Variants in TRIO observed in about 807,000 individuals in gnomAD.
TRIO encodes the protein triple functional domain protein.
A neutral mutation model predicts 351.9 loss-of-function variants in TRIO; 58 were observed. The ratio of observed to expected loss-of-function variants is 0.16; its 90% CI spans 0.13 to 0.21. The LOEUF (loss-of-function observed/expected upper bound fraction) is 0.21. Among genes scored for constraint, TRIO ranks in the 10% least tolerant of loss-of-function variants. The pLI is 1.00. For missense variants in TRIO, 3,201 were observed against 4,027.8 expected (o/e 0.79, Z 5.56); for synonymous variants, 1,758 against 1,595.7 (o/e 1.10, Z -2.42).
At chr5:14,302,464 G>A (rs1581570970) in intron 7 of TRIO, among the ~76,000 whole-genome samples, 1 of 152,182 alleles carries the variant, frequency 6.6e-6, no homozygotes, top group Non-Finnish European at 1.5e-5. Flanking sequence ...ACAGGAAGAT[G>A]ATAGAGTGAA....
chr5:14,422,832 T>C (rs1197705814), intron 34 of TRIO, among the ~76,000 whole-genome samples: 1 of 152,198 alleles, frequency 6.6e-6, no homozygotes, highest in Non-Finnish European at 1.5e-5. Context: ...CATTGAGAAA[T>C]GCTATCTTGT....
intron 1 of TRIO, among the ~76,000 whole-genome samples, chr5:14,226,031 A>G (rs966439625): frequency 1.3e-5 from 2 of 152,176 alleles, no homozygotes; most frequent in Non-Finnish European, 2.9e-5. Flanking sequence ...CTTCCTGTGC[A>G]TTTGACTGAG....
chr5:14,409,172 C>T (rs552088707), intron 33 of TRIO, among the ~76,000 whole-genome samples: 2 of 152,116 alleles, frequency 1.3e-5, no homozygotes, highest in African/African-American at 2.4e-5. Flanking sequence ...AGCCCTGGCC[C>T]CTAAGGCGCG....
intron 34 of TRIO, among the ~76,000 whole-genome samples, chr5:14,451,004 C>T (rs1252899608): frequency 2.6e-5 from 4 of 152,194 alleles, no homozygotes; most frequent in African/African-American, 9.6e-5. Context: ...CAAGAAACCT[C>T]TCCAGATACT....
At chr5:14,470,373 T>C (rs1754595664) in intron 37 of TRIO, among the ~76,000 whole-genome samples, 2 of 152,248 alleles carry the variant, frequency 1.3e-5, no homozygotes, top group African/African-American at 4.8e-5. Flanking sequence ...ATTGTGCTGT[T>C]CAAACCTAGA....
At chr5:14,507,074 C>G (rs1757740691) in intron 55 of TRIO, 48 bp from the exon 56 acceptor site, 1 of 1,531,402 alleles carries the variant, frequency 6.5e-7, no homozygotes, top group Non-Finnish European at 8.7e-7. Context: ...CCAAAGAGGT[C>G]TTCAAAGCAA....
chr5:14,253,691 C>T lies in TRIO; in HGVS notation c.158-17134C>T, dbSNP rs189933577. ...GTGTTTGAAGACTATGCCCTTAAAG[C>T]GGCAATTCTCAAAGTGTGGTCCCAG... is the stretch of plus-strand genomic sequence containing the variant. On this transcript the variant is annotated intron_variant, in intron 1 of 56. Coordinates refer to ENST00000344204, the MANE Select transcript of TRIO (RefSeq NM_007118.4). 8.5e-5 allele frequency among the ~76,000 whole-genome samples: 13 copies of T among 152,294 alleles called. No homozygotes were observed. In the East Asian group the frequency reaches 2.1e-3, roughly 25 times the overall value.
At chr5:14,507,525 C>T (rs954927097) in intron 56 of TRIO, among the ~76,000 whole-genome samples, 5 of 152,166 alleles carry the variant, frequency 3.3e-5, no homozygotes, top group South Asian at 2.1e-4. Flanking sequence ...GAGTTTTGCC[C>T]GGTGGGTGTG....
intron 34 of TRIO, among the ~76,000 whole-genome samples, chr5:14,454,628 C>T (rs966446821): frequency 2.6e-5 from 4 of 152,204 alleles, no homozygotes; most frequent in African/African-American, 7.2e-5. Flanking sequence ...ACTCATTAAG[C>T]TCCAGGTGTA....
intron 2 of TRIO, among the ~76,000 whole-genome samples, chr5:14,274,948 C>T (rs1735366851): frequency 6.6e-6 from 1 of 152,144 alleles, no homozygotes; most frequent in African/African-American, 2.4e-5. Context: ...CTCTAAAGAG[C>T]CCTGGTTCCT....
At chr5:14,374,834 G>A (rs1186502066) in intron 19 of TRIO, among the ~76,000 whole-genome samples, 1 of 151,908 alleles carries the variant, frequency 6.6e-6, no homozygotes, top group East Asian at 1.9e-4. Context: ...GTAAAAACCT[G>A]TAAAACCGTG....
chr5:14,389,512 A>C (rs574574676), intron 25 of TRIO, 114 bp downstream of exon 25: 47 of 718,386 alleles, frequency 6.5e-5, no homozygotes, highest in Non-Finnish European at 9.9e-5. Context: ...TTTTGTTTCC[A>C]TTTGAATGAA....
intron 1 of TRIO, among the ~76,000 whole-genome samples, chr5:14,194,306 G>T (rs1790630894): frequency 6.6e-6 from 1 of 152,056 alleles, no homozygotes; most frequent in Non-Finnish European, 1.5e-5. Context: ...TTGTATTTCT[G>T]CTCTCTTTTT....
At chr5:14,237,462 T>C (rs1028149893) in intron 1 of TRIO, among the ~76,000 whole-genome samples, 2 of 152,186 alleles carry the variant, frequency 1.3e-5, no homozygotes, top group Admixed American at 1.3e-4. Flanking sequence ...ATGGCTTGCA[T>C]GTTGCCTTGA....
intron 4 of TRIO, among the ~76,000 whole-genome samples, chr5:14,289,451 C>CT (rs1347829688): frequency 1.3e-5 from 2 of 152,040 alleles, no homozygotes; most frequent in African/African-American, 4.8e-5. Context: ...ACTCAAGAGG[C>CT]TTAAGATGGG....
At chr5:14,194,411 T>C (rs1342263850) in intron 1 of TRIO, among the ~76,000 whole-genome samples, 1 of 152,260 alleles carries the variant, frequency 6.6e-6, no homozygotes, top group African/African-American at 2.4e-5. Context: ...AATTGTTTTC[T>C]TTCTTTATTG....
chr5:14,306,489 A>G (rs1738379613), intron 8 of TRIO, among the ~76,000 whole-genome samples: 1 of 152,222 alleles, frequency 6.6e-6, no homozygotes, highest in African/African-American at 2.4e-5. Flanking sequence ...ATTTTGACCT[A>G]TAACACAGAA....
intron 11 of TRIO, among the ~76,000 whole-genome samples, chr5:14,347,455 G>T (rs1180641118): frequency 6.6e-6 from 1 of 152,274 alleles, no homozygotes; most frequent in Non-Finnish European, 1.5e-5. Context: ...TAGGGGAGAA[G>T]AGTGCAGTCT....
intron 55 of TRIO, 124 bp from the exon 56 acceptor site, chr5:14,506,998 G>A (rs1460664084): frequency 8.2e-5 from 109 of 1,325,282 alleles, no homozygotes; most frequent in Middle Eastern, 2.3e-4. Context: ...TTAGAGGCAC[G>A]GCCCTGAGAT....
Sources: gnomAD v4.1 joint callset for allele counts (sites outside exome capture counted in the v4.1 genomes callset) on GRCh38, gnomAD v4.1.1 for gene constraint, MANE v1.5 for transcripts, NCBI Gene and HGNC (gene_info 2026-07-23, HGNC 2026-07-21) for gene names.